Variants in INPP4A observed in about 807,000 individuals in gnomAD.
INPP4A encodes the protein inositol polyphosphate-4-phosphatase, type I, 107kD.
A neutral mutation model predicts 119.8 loss-of-function variants in INPP4A; 33 were observed. That is an observed-to-expected ratio of 0.28 (90% CI 0.21 to 0.37). The LOEUF (loss-of-function observed/expected upper bound fraction) is 0.37, where lower values mean the gene tolerates loss of function less well. Among genes scored for constraint, INPP4A ranks in the 10% least tolerant of loss-of-function variants. The probability of loss-of-function intolerance (pLI) is 1.00; values close to 1 mark genes in which losing one functional copy is unlikely to be tolerated. For synonymous variants in INPP4A, 496 were observed against 500.7 expected, an observed-to-expected ratio of 0.99 and a Z score of 0.12; for missense variants, 956 against 1,289.9, an observed-to-expected ratio of 0.74 and a Z score of 3.97.
Position 98,589,131 on chromosome 2 carries a change from AAAT to A in INPP4A, c.*1524_*1526del, listed in dbSNP as rs1700195100. 2 of 178,860 alleles carry A rather than the reference AAAT, an allele frequency of 1.1e-5. No individual in the cohort carries two copies. Among genetic ancestry groups the A allele is most frequent in the African/African-American group, 4.7e-5 (2 of 42,332 alleles). The allele number at this position is 178,860 out of a possible 1,614,324, so 11.1% of individuals were successfully genotyped here. A position where few individuals can be genotyped will look rare whatever the true frequency, so the allele number is the denominator to read the frequency against. ...TGTCTCCCGATGCCTGCAGGGAGGA[AAAT>A]GTCTGTGAAGGACACTTTAATGAAG... On this transcript the variant is annotated 3_prime_UTR_variant, in exon 25 of 25. Transcript: ENST00000409851.
chr2:98,461,245 A>G (rs1697100494), intron 1 of INPP4A, among the ~76,000 whole-genome samples: 1 of 152,228 alleles, frequency 6.6e-6, no homozygotes, highest in South Asian at 2.1e-4. Context: ...AGACTTCACT[A>G]TGCCACATGA....
At chr2:98,563,755 C>T in intron 18 of INPP4A, 118 bp downstream of exon 18, 1 of 959,116 alleles carries the variant, frequency 1.0e-6, no homozygotes, top group South Asian at 1.5e-5. Flanking sequence ...GCCATATTTC[C>T]TCCTGGTGGT....
At position 98,592,189 on chromosome 2, in the gene INPP4A, A is replaced by T. The variant is rs560039170; in HGVS notation, c.*4581A>T. On this transcript the variant is annotated 3_prime_UTR_variant, in exon 25 of 25. Transcript: ENST00000409851. The stretch of plus-strand genomic sequence containing the variant: ...TCTTCTTCTTATCACTTTCTCCCCA[A>T]AATGTCCTCTTCTACCAGCCCCTCT... 6.6e-6 allele frequency: 1 copy of T among 152,412 alleles called. No individual in the cohort carries two copies. The highest frequency in any genetic ancestry group is 2.4e-5 in the African/African-American group (1 of 41,560). 9.4% of individuals were successfully genotyped at this position (152,412 alleles called of 1,614,324 possible). A position where few individuals can be genotyped will look rare whatever the true frequency, so the allele number is the denominator to read the frequency against.
chr2:98,565,658 T>A lies in INPP4A; in HGVS notation c.2171T>A (p.Leu724Gln). The change falls in exon 20 of 25, where the codon CTG becomes CAG. Residue 724 changes from leucine to glutamine, a missense_variant. Leu to Gln is a moderately radical substitution (Grantham distance 113, BLOSUM62 -2). Coordinates refer to ENST00000409851, the MANE Select transcript of INPP4A (RefSeq NM_001134225.2). The stretch of plus-strand genomic sequence containing the variant: ...TGTCCAGGGGAGGAGCTGGCAATGC[T>A]GGAGGACATGAGCCTTGGGATCATG... ...LSTYGEELAM[L>Q]EDMSLGIMDL... 1 of 1,609,758 alleles carries A rather than the reference T, an allele frequency of 6.2e-7. No homozygotes were observed. The highest frequency in any genetic ancestry group is 8.5e-7 in the Non-Finnish European group (1 of 1,176,636).
intron 1 of INPP4A, among the ~76,000 whole-genome samples, chr2:98,484,297 C>A (rs886584330): frequency 6.6e-6 from 1 of 152,180 alleles, no homozygotes; most frequent in African/African-American, 2.4e-5. Context: ...TGCCCACAAG[C>A]CTTATGAACT....
At chr2:98,574,418 AGC>A (rs1698061697) in intron 23 of INPP4A, among the ~76,000 whole-genome samples, 4 of 152,118 alleles carry the variant, frequency 2.6e-5, no homozygotes, top group African/African-American at 9.7e-5. Context: ...TAGGTGAGTC[AGC>A]TGAGGTCAGG....
At chr2:98,457,835 T>C (rs1696390673) in intron 1 of INPP4A, among the ~76,000 whole-genome samples, 1 of 152,148 alleles carries the variant, frequency 6.6e-6, no homozygotes, top group African/African-American at 2.4e-5. Flanking sequence ...GGGGTCTCGC[T>C]CTGTTGCCCA....
intron 1 of INPP4A, among the ~76,000 whole-genome samples, chr2:98,472,972 G>A (rs1206164534): frequency 1.3e-5 from 2 of 151,074 alleles, no homozygotes; most frequent in Non-Finnish European, 2.9e-5. Context: ...AGTGAGGAGG[G>A]CAGTGCGGGT....
chr2:98,502,256 T>G (rs1484935523), intron 1 of INPP4A, among the ~76,000 whole-genome samples: 1 of 152,142 alleles, frequency 6.6e-6, no homozygotes, highest in Non-Finnish European at 1.5e-5. Flanking sequence ...AGTGTCCTGG[T>G]TTGCATGTAC....
Position 98,534,753 on chromosome 2 carries a change from C to T in INPP4A, c.271-976C>T, listed in dbSNP as rs1348932037. On this transcript the variant is annotated intron_variant, in intron 5 of 24. Coordinates refer to ENST00000409851, the MANE Select transcript of INPP4A (RefSeq NM_001134225.2). Reference sequence around the variant, plus strand: ...GCTTCTGTGCAGGGGAGTCACCTGACCAGATGTCCTAACTTGTATAGGACA... The same window carrying T: ...GCTTCTGTGCAGGGGAGTCACCTGATCAGATGTCCTAACTTGTATAGGACA... Among the ~76,000 whole-genome samples, 3 of 152,064 alleles carry T rather than the reference C, an allele frequency of 2.0e-5. No homozygotes were observed. In the East Asian group the frequency reaches 5.8e-4, roughly 29 times the overall value.
intron 22 of INPP4A, 103 bp from the exon 23 acceptor site, chr2:98,572,712 G>A (rs1697690059): frequency 1.4e-6 from 1 of 709,926 alleles, no homozygotes; most frequent in Non-Finnish European, 2.3e-6. Flanking sequence ...GGAACTCATT[G>A]TTTTACCACT....
intron 1 of INPP4A, among the ~76,000 whole-genome samples, chr2:98,516,631 A>G (rs1353707236): frequency 6.6e-6 from 1 of 152,186 alleles, no homozygotes; most frequent in African/African-American, 2.4e-5. Context: ...CAGGGCAGCA[A>G]GGCAGGCAAT....
At chr2:98,501,788 C>T (rs1166003833) in intron 1 of INPP4A, among the ~76,000 whole-genome samples, 5 of 152,246 alleles carry the variant, frequency 3.3e-5, no homozygotes, top group African/African-American at 1.2e-4. Context: ...AAATTAAAAC[C>T]TGGACCAGGT....
chr2:98,513,367 CTCT>C (rs756650574), intron 1 of INPP4A, among the ~76,000 whole-genome samples: 34 of 152,346 alleles, frequency 2.2e-4, no homozygotes, highest in Middle Eastern at 6.8e-3. Context: ...TGGTCACACG[CTCT>C]TCTTCTCATA....
At chr2:98,477,540 C>T (rs1318838955) in intron 1 of INPP4A, among the ~76,000 whole-genome samples, 3 of 152,228 alleles carry the variant, frequency 2.0e-5, no homozygotes, top group South Asian at 2.1e-4. Context: ...TCAATGTCGG[C>T]GAGTCTTGGG....
At chr2:98,515,189 T>A (rs1386160485) in intron 1 of INPP4A, among the ~76,000 whole-genome samples, 1 of 152,214 alleles carries the variant, frequency 6.6e-6, no homozygotes, top group Non-Finnish European at 1.5e-5. Flanking sequence ...TGCCAGTGAA[T>A]GGTGTGACAC....
In INPP4A at chr2:98,548,424, G is replaced by A. The variant is rs142859762; in HGVS notation, c.1163+1730G>A. On this transcript the variant is annotated intron_variant, in intron 13 of 24. Coordinates refer to ENST00000409851, the MANE Select transcript of INPP4A (RefSeq NM_001134225.2). ...CAGCCAGCCAGAAAGCGTGTCTGTC[G>A]CTCCATTGCATGTTGCCCTGTGGAG... 1.6e-3 allele frequency among the ~76,000 whole-genome samples: 246 copies of A among 152,270 alleles called. 1 individual carries two copies. Among genetic ancestry groups the A allele is most frequent in the African/African-American group, 5.7e-3 (236 of 41,552 alleles).
intron 1 of INPP4A, among the ~76,000 whole-genome samples, chr2:98,479,246 G>T (rs887064778): frequency 3.3e-5 from 5 of 152,104 alleles, no homozygotes; most frequent in Admixed American, 1.3e-4. Flanking sequence ...GTGGGGAGGT[G>T]CTCCTGTCCC....
rs558375244 is a variant in INPP4A, at chr2:98,479,977, C to T, written c.-166+34892C>T. 2.6e-5 allele frequency among the ~76,000 whole-genome samples: 4 copies of T among 152,294 alleles called. No homozygotes were observed. The East Asian group carries it at 7.7e-4, about 29-fold the overall frequency. On this transcript the variant is annotated intron_variant, in intron 1 of 24. Transcript: ENST00000409851. The stretch of plus-strand genomic sequence containing the variant: ...TTTCTTAAGGCTTTAGAAACTGCCC[C>T]CAAACAGCACAGAATGGCAGGGTCC...
Sources: gnomAD v4.1 joint callset for allele counts (sites outside exome capture counted in the v4.1 genomes callset) on GRCh38, gnomAD v4.1.1 for gene constraint, MANE v1.5 for transcripts, NCBI Gene and HGNC (gene_info 2026-07-23, HGNC 2026-07-21) for gene names.